Variants in FBXL7 observed in about 807,000 individuals in gnomAD.
FBXL7 encodes the protein F-box/LRR-repeat protein 7.
In FBXL7, 12 loss-of-function variants were observed where a neutral mutation model predicts 38.3. The ratio of observed to expected loss-of-function variants is 0.31; its 90% CI spans 0.20 to 0.51. FBXL7 has a LOEUF of 0.51. FBXL7 is among the 20% of genes least tolerant of loss of function. FBXL7 has a pLI of 0.98. For synonymous variants in FBXL7, 297 were observed against 300.9 expected (o/e 0.99, Z 0.13); for missense variants, 567 against 676.4 (o/e 0.84, Z 1.79).
chr5:15,760,434 A>G (rs913196183), intron 2 of FBXL7, among the ~76,000 whole-genome samples: 2 of 152,068 alleles, frequency 1.3e-5, no homozygotes, highest in African/African-American at 2.4e-5. Context: ...AGCAAAAAAA[A>G]AAAAAAGAAA....
intron 2 of FBXL7, among the ~76,000 whole-genome samples, chr5:15,766,079 CATCATAGAAT>C (rs1416652403): frequency 1.4e-5 from 1 of 69,528 alleles, no homozygotes; most frequent in African/African-American, 4.1e-5. Flanking sequence ...TACCTAACAG[CATCATAGAAT>C]TAATTGCCTG....
At chr5:15,834,127 G>T (rs903691085) in intron 2 of FBXL7, among the ~76,000 whole-genome samples, 12 of 152,248 alleles carry the variant, frequency 7.9e-5, no homozygotes, top group African/African-American at 2.9e-4. Context: ...GTTAAGAAAA[G>T]TTATCCAAAA....
At chr5:15,590,586 T>C (rs891916811) in intron 1 of FBXL7, among the ~76,000 whole-genome samples, 2 of 152,124 alleles carry the variant, frequency 1.3e-5, no homozygotes, top group Admixed American at 1.3e-4. Context: ...ATGTTCCCTT[T>C]TGCTTCTGGG....
At chr5:15,891,049 A>G (rs1740884011) in intron 2 of FBXL7, among the ~76,000 whole-genome samples, 1 of 152,178 alleles carries the variant, frequency 6.6e-6, no homozygotes, top group African/African-American at 2.4e-5. Flanking sequence ...TGCATAATTT[A>G]TCTTTTTTGT....
intron 2 of FBXL7, among the ~76,000 whole-genome samples, chr5:15,877,934 A>T (rs1459832947): frequency 6.6e-6 from 1 of 152,108 alleles, no homozygotes; most frequent in Non-Finnish European, 1.5e-5. Flanking sequence ...GTGTCTCTTC[A>T]TACAGTTTCT....
intron 2 of FBXL7, among the ~76,000 whole-genome samples, chr5:15,700,801 G>T (rs1471842335): frequency 6.6e-6 from 1 of 151,976 alleles, no homozygotes; most frequent in East Asian, 1.9e-4. Context: ...GTTCCAATGG[G>T]ACTTTCTTTT....
At chr5:15,604,813 T>G (rs1275615887) in intron 1 of FBXL7, among the ~76,000 whole-genome samples, 2 of 152,180 alleles carry the variant, frequency 1.3e-5, no homozygotes, top group Non-Finnish European at 2.9e-5. Flanking sequence ...TCCGGCTCTC[T>G]CCATCTCAGT....
At chr5:15,800,647 G>T (rs141351273) in intron 2 of FBXL7, among the ~76,000 whole-genome samples, 295 of 152,252 alleles carry the variant, frequency 1.9e-3, no homozygotes, top group African/African-American at 6.8e-3. Context: ...ACTCAATAAG[G>T]TGAAACATAT....
intron 2 of FBXL7, among the ~76,000 whole-genome samples, chr5:15,684,651 A>G (rs1022456578): frequency 6.6e-6 from 1 of 152,212 alleles, no homozygotes; most frequent in African/African-American, 2.4e-5. Context: ...AGAGCAAAGG[A>G]GAAGAGTCAG....
chr5:15,891,463 A>G (rs1315082376), intron 2 of FBXL7, among the ~76,000 whole-genome samples: 1 of 152,248 alleles, frequency 6.6e-6, no homozygotes, highest in Admixed American at 6.5e-5. Flanking sequence ...AACATTTATT[A>G]AAGTACATAT....
At chr5:15,734,357 A>G (rs984735757) in intron 2 of FBXL7, among the ~76,000 whole-genome samples, 9 of 152,218 alleles carry the variant, frequency 5.9e-5, no homozygotes, top group Non-Finnish European at 8.8e-5. Context: ...GCTGGCGATC[A>G]CAAGTCATGG....
chr5:15,538,839 T>G (rs905975977), intron 1 of FBXL7, among the ~76,000 whole-genome samples: 1 of 152,184 alleles, frequency 6.6e-6, no homozygotes, highest in African/African-American at 2.4e-5. Context: ...TTTGTTTGCT[T>G]ATTTTGAGAT....
At chr5:15,606,319 T>C (rs1020593907) in intron 1 of FBXL7, among the ~76,000 whole-genome samples, 1 of 152,180 alleles carries the variant, frequency 6.6e-6, no homozygotes, top group Non-Finnish European at 1.5e-5. Context: ...AATGTACATG[T>C]ATGCGTGTAT....
intron 2 of FBXL7, among the ~76,000 whole-genome samples, chr5:15,678,300 C>T (rs1460237931): frequency 6.6e-6 from 1 of 152,100 alleles, no homozygotes; most frequent in African/African-American, 2.4e-5. Flanking sequence ...ATCAGAAAGA[C>T]CCCTTTGCTT....
intron 1 of FBXL7, among the ~76,000 whole-genome samples, chr5:15,599,401 G>C (rs946909214): frequency 6.6e-6 from 1 of 152,156 alleles, no homozygotes; most frequent in Non-Finnish European, 1.5e-5. Context: ...TTATGTGTGT[G>C]TGTACATGTT....
chr5:15,723,793 T>A (rs997418067), intron 2 of FBXL7, among the ~76,000 whole-genome samples: 2 of 152,250 alleles, frequency 1.3e-5, no homozygotes, highest in Admixed American at 1.3e-4. Context: ...AACAGCCCCC[T>A]ATTATAAGCT....
At chr5:15,583,184 C>T (rs1219212889) in intron 1 of FBXL7, among the ~76,000 whole-genome samples, 3 of 152,106 alleles carry the variant, frequency 2.0e-5, no homozygotes, top group African/African-American at 7.2e-5. Context: ...AGAACTCACT[C>T]ATTATCACAA....
At chr5:15,863,537 T>C (rs1222584593) in intron 2 of FBXL7, among the ~76,000 whole-genome samples, 1 of 152,126 alleles carries the variant, frequency 6.6e-6, no homozygotes, top group Admixed American at 6.5e-5. Flanking sequence ...CAAAATTCCT[T>C]TTACTGTCTG....
chr5:15,913,770 G>A lies in FBXL7; in HGVS notation c.128-14120G>A, dbSNP rs527422911. 1.8e-4 allele frequency among the ~76,000 whole-genome samples: 27 copies of A among 152,264 alleles called. No homozygotes were observed. The South Asian group carries it at 5.6e-3, about 32-fold the overall frequency. On this transcript the variant is annotated intron_variant, in intron 2 of 3. Coordinates refer to ENST00000504595, the MANE Select transcript of FBXL7 (RefSeq NM_012304.5). ...CAAGCCTTTGCATGAAAATACATGT[G>A]TTTCTTCTCTTGTCAAGACAAGAAA...
Sources: gnomAD v4.1 joint callset for allele counts (sites outside exome capture counted in the v4.1 genomes callset) on GRCh38, gnomAD v4.1.1 for gene constraint, MANE v1.5 for transcripts, NCBI Gene and HGNC (gene_info 2026-07-23, HGNC 2026-07-21) for gene names.